Variants in RPSA2 observed in about 807,000 individuals in gnomAD.
RPSA2 encodes the protein small ribosomal subunit protein uS2B.
the RPSA2 span, among the ~76,000 whole-genome samples, chr19:23,839,488 G>T: frequency 3.3e-5 from 5 of 152,142 alleles, no homozygotes; most frequent in Non-Finnish European, 7.3e-5. Context: ...CTGTTTCCAT[G>T]TGGAGGGCAA....
chr19:23,792,025 T>C, the RPSA2 span, among the ~76,000 whole-genome samples: 6 of 152,174 alleles, frequency 3.9e-5, no homozygotes, highest in African/African-American at 1.4e-4. Flanking sequence ...CCCTGCCGAC[T>C]GATTGTTTAC....
chr19:23,860,568 G>A, the RPSA2 span, among the ~76,000 whole-genome samples: 1 of 152,146 alleles, frequency 6.6e-6, no homozygotes, highest in South Asian at 2.1e-4. Flanking sequence ...GGTACCAGGT[G>A]TAGATGTCAA....
At chr19:23,863,913 C>T in the RPSA2 span, among the ~76,000 whole-genome samples, 1 of 152,282 alleles carries the variant, frequency 6.6e-6, no homozygotes, top group South Asian at 2.1e-4. Flanking sequence ...AACAGAATAA[C>T]AGAGGCACAA....
chr19:23,852,828 A>G, the RPSA2 span, among the ~76,000 whole-genome samples: 5 of 152,218 alleles, frequency 3.3e-5, no homozygotes, highest in Admixed American at 6.5e-5. Context: ...GTTTTCAAAG[A>G]ATCTCTCCTA....
At chr19:23,866,387 A>G in the RPSA2 span, among the ~76,000 whole-genome samples, 1 of 152,222 alleles carries the variant, frequency 6.6e-6, no homozygotes, top group Non-Finnish European at 1.5e-5. Context: ...TTAATAGTTG[A>G]CAAATCTAAA....
chr19:23,824,198 C>A, the RPSA2 span, among the ~76,000 whole-genome samples: 2 of 152,148 alleles, frequency 1.3e-5, no homozygotes, highest in Admixed American at 1.3e-4. Flanking sequence ...GTTATGCTGA[C>A]CTTGCAGCTG....
the RPSA2 span, among the ~76,000 whole-genome samples, chr19:23,853,192 AT>A: frequency 2.6e-5 from 4 of 152,240 alleles, no homozygotes; most frequent in African/African-American, 9.6e-5. Flanking sequence ...TCACAATACG[AT>A]TTATGTAAAG....
At chr19:23,854,697 T>C in the RPSA2 span, among the ~76,000 whole-genome samples, 122 of 152,358 alleles carry the variant, frequency 8.0e-4, no homozygotes, top group African/African-American at 2.9e-3. Flanking sequence ...TTTAAGTTTT[T>C]AACAATGCAA....
chr19:23,868,305 G>T, the RPSA2 span, among the ~76,000 whole-genome samples: 1 of 152,176 alleles, frequency 6.6e-6, no homozygotes, highest in Non-Finnish European at 1.5e-5. Flanking sequence ...AGCCAAATGG[G>T]TGAGACATCC....
At chr19:23,846,040 A>C in the RPSA2 span, among the ~76,000 whole-genome samples, 3 of 152,282 alleles carry the variant, frequency 2.0e-5, no homozygotes, top group African/African-American at 7.2e-5. Flanking sequence ...TGTGTTACCT[A>C]TAGAGATATT....
chr19:23,801,557 A>C, the RPSA2 span, among the ~76,000 whole-genome samples: 26 of 152,206 alleles, frequency 1.7e-4, no homozygotes, highest in Admixed American at 1.7e-3. Flanking sequence ...CTTTTTACTT[A>C]TAAAACTCAG....
the RPSA2 span, among the ~76,000 whole-genome samples, chr19:23,769,926 G>C: frequency 1.3e-5 from 2 of 152,176 alleles, no homozygotes; most frequent in Non-Finnish European, 2.9e-5. Flanking sequence ...TAATCACCTA[G>C]GTGATGTGAC....
chr19:23,844,733 C>A, the RPSA2 span, among the ~76,000 whole-genome samples: 1 of 151,058 alleles, frequency 6.6e-6, no homozygotes, highest in Admixed American at 6.6e-5. Context: ...TAACAATTTT[C>A]TTTGTTGTGT....
chr19:23,759,768 C>T, the RPSA2 span, among the ~76,000 whole-genome samples: 2 of 151,676 alleles, frequency 1.3e-5, no homozygotes, highest in African/African-American at 4.8e-5. Flanking sequence ...GTGATTGGCC[C>T]GCCTCAGCCT....
the RPSA2 span, among the ~76,000 whole-genome samples, chr19:23,835,776 T>A: frequency 2.6e-5 from 4 of 151,654 alleles, no homozygotes; most frequent in Non-Finnish European, 5.9e-5. Context: ...TGGGATTACA[T>A]GTGCCCGCCA....
At chr19:23,808,446 T>C in the RPSA2 span, among the ~76,000 whole-genome samples, 4 of 151,938 alleles carry the variant, frequency 2.6e-5, no homozygotes, top group Admixed American at 2.0e-4. Context: ...TTTGTATTTT[T>C]AGTAGAGACA....
the RPSA2 span, among the ~76,000 whole-genome samples, chr19:23,844,115 G>C: frequency 6.6e-6 from 1 of 152,086 alleles, no homozygotes; most frequent in Non-Finnish European, 1.5e-5. Context: ...ATAGCTCATC[G>C]TTGTTTTTGT....
At chr19:23,868,097 G>T in the RPSA2 span, among the ~76,000 whole-genome samples, 1 of 152,226 alleles carries the variant, frequency 6.6e-6, no homozygotes, top group African/African-American at 2.4e-5. Context: ...ACTGCTGCAT[G>T]ACTTGAGAGC....
chr19:23,845,784 C>A, the RPSA2 span, among the ~76,000 whole-genome samples: 6 of 152,190 alleles, frequency 3.9e-5, no homozygotes, highest in African/African-American at 1.4e-4. Context: ...GAGCCACCAC[C>A]TCTGGCTGGC....
Sources: allele counts gnomAD v4.1 joint callset (sites outside exome capture counted in the v4.1 genomes callset), GRCh38; gene constraint gnomAD v4.1.1; transcripts MANE v1.5; gene names NCBI Gene and HGNC (gene_info 2026-07-23, HGNC 2026-07-21).